NPAS1: variants seen among roughly 807,000 people sequenced by gnomAD.
NPAS1 encodes the protein neuronal PAS domain protein 1, also known as neuronal PAS domain-containing protein 1.
NPAS1 carries 29 observed loss-of-function variants against 49.2 expected under a neutral mutation model. That is an observed-to-expected ratio of 0.59 (90% confidence interval 0.44 to 0.80). The LOEUF (loss-of-function observed/expected upper bound fraction) is 0.80, where lower values mean the gene tolerates loss of function less well. Among genes scored for constraint, NPAS1 ranks in the 30% least tolerant of loss-of-function variants. NPAS1 has a pLI of 0.00. For synonymous variants in NPAS1, 408 were observed against 380.4 expected (o/e 1.07, Z -0.84); for missense variants, 825 against 835.5 (o/e 0.99, Z 0.15).
intron 6 of NPAS1, among the ~76,000 whole-genome samples, chr19:47,037,576 T>C (rs1353011130): frequency 6.6e-6 from 1 of 151,978 alleles, no homozygotes; most frequent in Non-Finnish European, 1.5e-5. Context: ...CCACTCCCAC[T>C]GTGTATGGGA....
chr19:47,029,442 C>T (rs2122472089), intron 3 of NPAS1, among the ~76,000 whole-genome samples: 1 of 151,608 alleles, frequency 6.6e-6, no homozygotes, highest in Non-Finnish European at 1.5e-5. Context: ...TCTTGTTGCC[C>T]AGGCTGGAGT....
At chr19:47,027,355 T>TCTCTGCCCCAGGTCCCCCCC (rs2056878255) in intron 3 of NPAS1, among the ~76,000 whole-genome samples, 1 of 30,016 alleles carries the variant, frequency 3.3e-5, no homozygotes, top group African/African-American at 6.5e-5. Flanking sequence ...AGGTCCCCCC[T>TCTCTGCCCCAGGTCCCCCCC]CTCTCTGCCC....
At chr19:47,043,345 T>G (rs1463580598) in intron 11 of NPAS1, among the ~76,000 whole-genome samples, 1 of 149,392 alleles carries the variant, frequency 6.7e-6, no homozygotes, top group East Asian at 2.0e-4. Context: ...ATCCCAGTAC[T>G]TTGGGAGGCC....
intron 11 of NPAS1, 69 bp downstream of exon 11, chr19:47,042,973 C>A: frequency 8.2e-7 from 1 of 1,221,504 alleles, no homozygotes; most frequent in Middle Eastern, 2.0e-4. Flanking sequence ...CTGTCCATTC[C>A]AGAAGCCACT....
chr19:47,042,983 T>A, intron 11 of NPAS1, 79 bp downstream of exon 11: 1 of 1,080,610 alleles, frequency 9.3e-7, no homozygotes, highest in Non-Finnish European at 1.3e-6. Flanking sequence ...CAGAAGCCAC[T>A]AGCCACATGC....
Position 47,036,052 on chromosome 19 carries a change from C to T in NPAS1, c.611C>T (p.Thr204Met), listed in dbSNP as rs2056951341. 2 of 1,602,814 alleles carry T rather than the reference C, an allele frequency of 1.2e-6. No homozygotes were observed. The highest frequency in any genetic ancestry group is 1.3e-5 in the African/African-American group (1 of 74,718). Residue 204 changes from threonine (T) to methionine (M), a missense_variant, in exon 6 of 12, where the codon ACG becomes ATG. Transcript: ENST00000602212. The part of the protein sequence containing the change: ...VLEQLGLRTP[T>M]PGPPTPPSVS... ...GAGCAACTGGGGCTGCGGACGCCGA[C>T]GCCCGGCCCCCCAACCCCGCCCTCC...
chr19:47,045,375 G>C lies in NPAS1; in HGVS notation c.1497G>C (p.Arg499=). ...GGCCCGAGTTCACCTCTGTCATCCG[G>C]GCAGGGGTCCTGAAGCAGGATCCGG... ...TPRPEFTSVI[R]AGVLKQDPVR... is the part of the protein sequence containing the mutation. The change falls in exon 12 of 12, where the codon CGG becomes CGC. Residue 499 remains arginine (R), a synonymous_variant. Transcript: ENST00000602212. The C allele has an allele frequency of 6.2e-7, 1 of 1,613,432 alleles. No homozygotes were observed. Among genetic ancestry groups the C allele is most frequent in the Non-Finnish European group, 8.5e-7 (1 of 1,179,842 alleles).
intron 5 of NPAS1, chr19:47,035,275 G>A (rs374136244): frequency 6.6e-6 from 1 of 152,580 alleles, no homozygotes; most frequent in African/African-American, 2.4e-5. Flanking sequence ...TGAGGGGGCG[G>A]AGCCCAGAGG....
At chr19:47,023,676 G>A (rs1030819722) in intron 3 of NPAS1, among the ~76,000 whole-genome samples, 3 of 152,154 alleles carry the variant, frequency 2.0e-5, no homozygotes, top group African/African-American at 2.4e-5. Context: ...TAATAAGCCG[G>A]GCACCATGGC....
chr19:47,032,564 A>T, intron 4 of NPAS1, 79 bp from the exon 5 acceptor site: 1 of 1,378,824 alleles, frequency 7.3e-7, no homozygotes. Context: ...CCCAGGTTTC[A>T]GAACCTCTTA....
chr19:47,031,500 T>G (rs2056905121), intron 3 of NPAS1, among the ~76,000 whole-genome samples: 1 of 145,340 alleles, frequency 6.9e-6, no homozygotes, highest in African/African-American at 2.6e-5. Context: ...GCCCAGCCTG[T>G]TGGTTTCTTT....
At position 47,045,181 on chromosome 19, in the gene NPAS1, C is replaced by T. The variant is rs2057062892; in HGVS notation, c.1313-10C>T. 1.2e-6 allele frequency: 2 copies of T among 1,611,964 alleles called. No homozygotes were observed. The highest frequency in any genetic ancestry group is 1.7e-6 in the Non-Finnish European group (2 of 1,179,292). On this transcript the variant is annotated splice_polypyrimidine_tract_variant and intron_variant, in intron 11 of 11. Coordinates refer to ENST00000602212, the MANE Select transcript of NPAS1 (RefSeq NM_002517.4). ...GACACACACAGGCCCTCAGCATCTT[C>T]CTCTTCCAGAGCCGGAGCCTCCGAC...
Position 47,040,559 on chromosome 19 carries a change from C to T in NPAS1, c.1069+9C>T, listed in dbSNP as rs373853798. On this transcript the variant is annotated intron_variant, in intron 9 of 11. Coordinates refer to ENST00000602212, the MANE Select transcript of NPAS1 (RefSeq NM_002517.4). ...CCAGAGCCACGTGGACTGTGAGACC[C>T]ACCTCCACCCACCAAGCCTGCCTAC... 2.5e-5 allele frequency: 39 copies of T among 1,542,044 alleles called. No homozygotes were observed. The African/African-American group carries it at 5.2e-4, about 20-fold the overall frequency.
chr19:47,031,924 A>G (rs1356838651), intron 3 of NPAS1, among the ~76,000 whole-genome samples: 1 of 152,180 alleles, frequency 6.6e-6, no homozygotes, highest in African/African-American at 2.4e-5. Context: ...AGAGCCCAGC[A>G]GGAGGCAGGG....
chr19:47,036,043 G>GGACGCC lies in NPAS1; in HGVS notation c.609_614dup (p.Thr204_Pro205dup), dbSNP rs2056951170. 1.9e-6 allele frequency: 3 copies of GGACGCC among 1,604,860 alleles called. No individual in the cohort carries two copies. The highest frequency in any genetic ancestry group is 2.6e-6 in the Non-Finnish European group (3 of 1,175,676). On this transcript the variant is annotated inframe_insertion, in exon 6 of 12. Coordinates refer to ENST00000602212, the MANE Select transcript of NPAS1 (RefSeq NM_002517.4). ...GAGGTGCTGGAGCAACTGGGGCTGC[G>GGACGCC]GACGCCGACGCCCGGCCCCCCAACC...
At chr19:47,026,658 C>T (rs2056872451) in intron 3 of NPAS1, among the ~76,000 whole-genome samples, 1 of 152,054 alleles carries the variant, frequency 6.6e-6, no homozygotes, top group Non-Finnish European at 1.5e-5. Flanking sequence ...TGTAGTCATA[C>T]TGAAAAGAAA....
chr19:47,029,383 C>T (rs564600297), intron 3 of NPAS1, among the ~76,000 whole-genome samples: 29 of 133,246 alleles, frequency 2.2e-4, no homozygotes, highest in East Asian at 2.1e-3. Flanking sequence ...TGCACCCGGC[C>T]TTAGTATTTT....
intron 3 of NPAS1, among the ~76,000 whole-genome samples, chr19:47,022,720 G>A (rs192465617): frequency 7.2e-4 from 109 of 152,302 alleles, no homozygotes; most frequent in Admixed American, 1.3e-3. Flanking sequence ...GCCCCGGAGC[G>A]GCTGGCATCC....
intron 3 of NPAS1, among the ~76,000 whole-genome samples, chr19:47,028,370 G>T (rs1174239576): frequency 6.6e-6 from 1 of 152,050 alleles, no homozygotes; most frequent in Non-Finnish European, 1.5e-5. Flanking sequence ...AGGGTGTGGG[G>T]TACTCCTGGG....
Sources: allele counts gnomAD v4.1 joint callset (sites outside exome capture counted in the v4.1 genomes callset), GRCh38; gene constraint gnomAD v4.1.1; transcripts MANE v1.5; gene names NCBI Gene and HGNC (gene_info 2026-07-23, HGNC 2026-07-21).